The following DPYD variants were observed in gnomAD, a reference collection of about 807,000 sequenced individuals.
DPYD encodes dihydropyrimidine dehydrogenase.
In DPYD, 109 loss-of-function variants were observed where a neutral mutation model predicts 116.2. The ratio of observed to expected loss-of-function variants is 0.94; its 90% CI spans 0.80 to 1.10. The LOEUF (loss-of-function observed/expected upper bound fraction) is 1.10, where lower values mean the gene tolerates loss of function less well. DPYD is among the 50% of genes least tolerant of loss of function. The pLI is 0.00. For missense variants in DPYD, 1,302 were observed against 1,254.5 expected, an observed-to-expected ratio of 1.04 and a Z score of -0.57; for synonymous variants, 440 against 432.0, an observed-to-expected ratio of 1.02 and a Z score of -0.23.
intron 18 of DPYD, among the ~76,000 whole-genome samples, chr1:97,289,356 A>C (rs1455866482): frequency 6.6e-6 from 1 of 152,216 alleles, no homozygotes; most frequent in Non-Finnish European, 1.5e-5. Context: ...CATCATCCTG[A>C]TACCAAAGCC....
intron 8 of DPYD, among the ~76,000 whole-genome samples, chr1:97,661,122 G>T (rs1186359290): frequency 6.6e-6 from 1 of 152,094 alleles, no homozygotes; most frequent in Non-Finnish European, 1.5e-5. Context: ...TATTAGAGGA[G>T]AAATAATTTA....
intron 20 of DPYD, among the ~76,000 whole-genome samples, chr1:97,138,751 A>T (rs1427351203): frequency 6.6e-6 from 1 of 152,326 alleles, no homozygotes; most frequent in African/African-American, 2.4e-5. Context: ...AGCTTAGTTA[A>T]TTGGGAGTCT....
chr1:97,464,137 G>A (rs967843688), intron 13 of DPYD, among the ~76,000 whole-genome samples: 6 of 151,942 alleles, frequency 3.9e-5, no homozygotes, highest in Non-Finnish European at 7.4e-5. Flanking sequence ...TACTCAGGAG[G>A]CTGAGGCAGG....
intron 20 of DPYD, among the ~76,000 whole-genome samples, chr1:97,159,559 C>A (rs887833252): frequency 6.6e-6 from 1 of 151,742 alleles, no homozygotes; most frequent in Non-Finnish European, 1.5e-5. Flanking sequence ...AAAAAATAAA[C>A]CCACAAACCA....
chr1:97,369,739 A>G (rs896053393), intron 16 of DPYD, among the ~76,000 whole-genome samples: 2 of 152,204 alleles, frequency 1.3e-5, no homozygotes, highest in Non-Finnish European at 2.9e-5. Flanking sequence ...GGTTATTGAC[A>G]CCGTTAACTA....
chr1:97,832,962 T>A (rs1182404458), intron 2 of DPYD, among the ~76,000 whole-genome samples: 1 of 141,056 alleles, frequency 7.1e-6, no homozygotes, highest in Non-Finnish European at 1.5e-5. Context: ...ACCAAACACC[T>A]ACTGATTCTG....
intron 12 of DPYD, among the ~76,000 whole-genome samples, chr1:97,521,689 T>C (rs1648680193): frequency 6.6e-6 from 1 of 152,152 alleles, no homozygotes; most frequent in Admixed American, 6.5e-5. Flanking sequence ...CAAAACAGCA[T>C]GGTACTGGTA....
rs150160365 is a variant in DPYD at position 97,337,282 on chromosome 1, G to A, written c.2059-30985C>T. 1.8e-3 allele frequency among the ~76,000 whole-genome samples: 273 copies of A among 152,266 alleles called. 5 individuals are homozygous for A. The highest frequency in any genetic ancestry group is 0.016 in the Admixed American group (242 of 15,294). On this transcript the variant is annotated intron_variant, in intron 16 of 22. Coordinates refer to ENST00000370192, the MANE Select transcript of DPYD (RefSeq NM_000110.4). ...CATATGAGTAGGGAAGTTTGTCTCC[G>A]AAAGGAGAAGTTCTTCTATCTGATA...
chr1:97,560,588 C>T (rs953056723), intron 11 of DPYD, among the ~76,000 whole-genome samples: 12 of 151,346 alleles, frequency 7.9e-5, no homozygotes, highest in African/African-American at 2.9e-4. Flanking sequence ...TGTTTTTGGT[C>T]TCTCATGTAT....
chr1:97,300,625 A>T (rs955859964), intron 18 of DPYD, among the ~76,000 whole-genome samples: 1 of 152,056 alleles, frequency 6.6e-6, no homozygotes, highest in Non-Finnish European at 1.5e-5. Context: ...TGAGTTTGTA[A>T]TCTGTTTTGT....
intron 18 of DPYD, among the ~76,000 whole-genome samples, chr1:97,240,168 A>T (rs1662233949): frequency 6.6e-6 from 1 of 151,996 alleles, no homozygotes; most frequent in African/African-American, 2.4e-5. Flanking sequence ...TAGCAGTGTC[A>T]TAATGTTGAT....
chr1:97,450,282 T>C (rs1676340760), intron 13 of DPYD, 59 bp from the exon 14 acceptor site: 9 of 1,581,432 alleles, frequency 5.7e-6, no homozygotes, highest in Non-Finnish European at 6.9e-6. Context: ...ATAATCTTTA[T>C]TATCTGCTCA....
chr1:97,898,578 T>C (rs890353881), intron 1 of DPYD, among the ~76,000 whole-genome samples: 8 of 151,998 alleles, frequency 5.3e-5, no homozygotes, highest in African/African-American at 1.9e-4. Context: ...TTGTTTCTTT[T>C]TTATTGTTTC....
intron 7 of DPYD, among the ~76,000 whole-genome samples, chr1:97,679,546 C>T (rs1034646573): frequency 1.3e-5 from 2 of 152,044 alleles, no homozygotes; most frequent in Non-Finnish European, 2.9e-5. Flanking sequence ...AAGATATACA[C>T]AAATAAATGT....
chr1:97,386,519 C>T (rs555575949), intron 14 of DPYD, among the ~76,000 whole-genome samples: 1 of 152,202 alleles, frequency 6.6e-6, no homozygotes, highest in East Asian at 1.9e-4. Context: ...TAATAAATAC[C>T]ACACTTTGGC....
At chr1:97,395,654 C>T (rs1288961030) in intron 14 of DPYD, among the ~76,000 whole-genome samples, 2 of 152,026 alleles carry the variant, frequency 1.3e-5, no homozygotes, top group Non-Finnish European at 2.9e-5. Flanking sequence ...CATGCCACTT[C>T]GGAAGGACTC....
chr1:97,696,880 T>TCA (rs1661337832), intron 6 of DPYD, among the ~76,000 whole-genome samples: 2 of 152,106 alleles, frequency 1.3e-5, no homozygotes, highest in Admixed American at 1.3e-4. Flanking sequence ...TAGACCTCAT[T>TCA]TCTCTTTATT....
intron 10 of DPYD, among the ~76,000 whole-genome samples, chr1:97,584,865 G>A (rs1280469834): frequency 6.7e-6 from 1 of 149,582 alleles, no homozygotes; most frequent in African/African-American, 2.5e-5. Flanking sequence ...CAAGTTAATG[G>A]GTGCAGCACA....
intron 10 of DPYD, among the ~76,000 whole-genome samples, chr1:97,587,271 C>T (rs1654192671): frequency 6.6e-6 from 1 of 152,130 alleles, no homozygotes; most frequent in African/African-American, 2.4e-5. Context: ...GCTTTTTGTG[C>T]CTAGAGAAGA....
Sources: gnomAD v4.1 joint callset for allele counts (sites outside exome capture counted in the v4.1 genomes callset) on GRCh38, gnomAD v4.1.1 for gene constraint, MANE v1.5 for transcripts, NCBI Gene and HGNC (gene_info 2026-07-23, HGNC 2026-07-21) for gene names.